CNOT6L: variants seen among roughly 807,000 people sequenced by gnomAD.
CNOT6L encodes the protein CCR4-NOT transcription complex subunit 6-like.
In CNOT6L, 7 loss-of-function variants were observed where a neutral mutation model predicts 64.0. The observed-to-expected ratio is 0.11, with a 90% CI of 0.06 to 0.21. The LOEUF is 0.21. Ranked by LOEUF, CNOT6L falls within the 10% of genes least tolerant of loss-of-function variation. The probability of loss-of-function intolerance (pLI) is 1.00; values close to 1 mark genes in which losing one functional copy is unlikely to be tolerated. For missense variants in CNOT6L, 245 were observed against 669.0 expected (o/e 0.37, Z 6.99); for synonymous variants, 193 against 243.4 (o/e 0.79, Z 1.93).
At chr4:77,755,513 C>T (rs753753977) in intron 5 of CNOT6L, among the ~76,000 whole-genome samples, 1 of 151,808 alleles carries the variant, frequency 6.6e-6, no homozygotes, top group Non-Finnish European at 1.5e-5. Context: ...CATGCCCGGC[C>T]GAGATATTTA....
chr4:77,808,530 T>C (rs1413242102), intron 1 of CNOT6L, among the ~76,000 whole-genome samples: 3 of 150,428 alleles, frequency 2.0e-5, no homozygotes, highest in Non-Finnish European at 4.4e-5. Flanking sequence ...TAGCCCACAG[T>C]AGGTAACCAG....
intron 11 of CNOT6L, among the ~76,000 whole-genome samples, chr4:77,722,671 G>C (rs1721413843): frequency 6.6e-6 from 1 of 152,182 alleles, no homozygotes; most frequent in South Asian, 2.1e-4. Flanking sequence ...TTAATTGAAT[G>C]CATCACTTGT....
At chr4:77,732,684 A>T (rs1391991420) in intron 8 of CNOT6L, among the ~76,000 whole-genome samples, 2 of 152,092 alleles carry the variant, frequency 1.3e-5, no homozygotes, top group Non-Finnish European at 2.9e-5. Context: ...TAAAGAGGTA[A>T]TCTATAAGCT....
At chr4:77,770,344 A>C (rs576707676) in intron 4 of CNOT6L, among the ~76,000 whole-genome samples, 1 of 152,326 alleles carries the variant, frequency 6.6e-6, no homozygotes, top group Admixed American at 6.5e-5. Flanking sequence ...CAAATGTTCC[A>C]TTCCATTTTT....
At chr4:77,757,039 C>A in intron 4 of CNOT6L, 88 bp from the exon 5 acceptor site, 1 of 573,202 alleles carries the variant, frequency 1.7e-6, no homozygotes, top group East Asian at 3.0e-5. Flanking sequence ...ATACTAATTT[C>A]TTAAATTCAA....
At chr4:77,809,016 C>T (rs752244234) in intron 1 of CNOT6L, among the ~76,000 whole-genome samples, 2 of 152,110 alleles carry the variant, frequency 1.3e-5, no homozygotes, top group East Asian at 3.8e-4. Flanking sequence ...TGGTTTTTTA[C>T]TACAGATGTG....
intron 1 of CNOT6L, among the ~76,000 whole-genome samples, chr4:77,796,560 C>T (rs1156378704): frequency 1.3e-5 from 2 of 152,156 alleles, no homozygotes; most frequent in African/African-American, 2.4e-5. Context: ...CCCAGTCATG[C>T]TTCTTGCCTG....
chr4:77,817,372 T>C (rs1327432329), intron 1 of CNOT6L, among the ~76,000 whole-genome samples: 1 of 152,236 alleles, frequency 6.6e-6, no homozygotes, highest in Non-Finnish European at 1.5e-5. Context: ...TTGTCTTTTT[T>C]ACGTTATAGT....
At chr4:77,724,119 T>C (rs1311286964) in intron 11 of CNOT6L, among the ~76,000 whole-genome samples, 1 of 149,444 alleles carries the variant, frequency 6.7e-6, no homozygotes, top group African/African-American at 2.5e-5. Context: ...CCCTCAAATA[T>C]ACAAAAATTA....
chr4:77,766,740 GAA>G (rs111326264), intron 4 of CNOT6L, among the ~76,000 whole-genome samples: 1 of 136,952 alleles, frequency 7.3e-6, no homozygotes. Context: ...CAAGAAAAGA[GAA>G]AAAAAAAAAG....
In CNOT6L at chr4:77,764,901, G is replaced by C. The variant is rs140090087; in HGVS notation, c.401-7950C>G. 5.5e-3 allele frequency among the ~76,000 whole-genome samples: 836 copies of C among 152,284 alleles called. 5 individuals carry two copies. Among genetic ancestry groups the C allele is most frequent in the Middle Eastern group, 0.014 (4 of 294 alleles). On this transcript the variant is annotated intron_variant, in intron 4 of 11. Coordinates refer to ENST00000504123, the MANE Select transcript of CNOT6L (RefSeq NM_144571.3). ...AAAGGTTCTCTTATAAAAGGGAGCAGAGAAATGTCAGAGTTCTCTGAACCA... is the reference window on the plus strand; with the variant it reads ...AAAGGTTCTCTTATAAAAGGGAGCACAGAAATGTCAGAGTTCTCTGAACCA...
At chr4:77,818,577 G>A (rs191059277) in intron 1 of CNOT6L, among the ~76,000 whole-genome samples, 1 of 152,354 alleles carries the variant, frequency 6.6e-6, no homozygotes, top group East Asian at 1.9e-4. Context: ...TCCCAAGACT[G>A]ACTGTTCTGA....
At chr4:77,799,170 G>A (rs536959269) in intron 1 of CNOT6L, among the ~76,000 whole-genome samples, 2 of 152,116 alleles carry the variant, frequency 1.3e-5, no homozygotes, top group African/African-American at 2.4e-5. Context: ...GCTCATGACT[G>A]TAATCCCAAC....
rs1241870062 is a variant in CNOT6L at position 77,717,669 on chromosome 4, C to T, written c.*2762G>A. Reference sequence around the variant, plus strand: ...AAGTTCCAAATGGCATGCGGTTTAACAAGACAATGCTGAGGAAAGCAGCAT... The same window carrying T: ...AAGTTCCAAATGGCATGCGGTTTAATAAGACAATGCTGAGGAAAGCAGCAT... On this transcript the variant is annotated 3_prime_UTR_variant, in exon 12 of 12. Coordinates refer to ENST00000504123, the MANE Select transcript of CNOT6L (RefSeq NM_144571.3). 6.6e-6 allele frequency: 1 copy of T among 152,460 alleles called. No individual in the cohort carries two copies. Among genetic ancestry groups the T allele is most frequent in the African/African-American group, 2.4e-5 (1 of 41,386 alleles). 9.4% of individuals were successfully genotyped at this position (152,460 alleles called of 1,614,324 possible).
chr4:77,727,491 G>C (rs191473487), intron 10 of CNOT6L, among the ~76,000 whole-genome samples: 2 of 141,076 alleles, frequency 1.4e-5, no homozygotes, highest in Admixed American at 1.5e-4. Context: ...GCTTGAACCC[G>C]GGAGGCAGAG....
At chr4:77,819,055 C>CACACACACACACAG in intron 1 of CNOT6L, 2 of 673,542 alleles carry the variant, frequency 3.0e-6, no homozygotes, top group Non-Finnish European at 5.3e-6. Context: ...CCCCGACACA[C>CACACACACACACAG]ACACACACAC....
chr4:77,723,491 C>T (rs1560571003), intron 11 of CNOT6L, among the ~76,000 whole-genome samples: 1 of 152,102 alleles, frequency 6.6e-6, no homozygotes, highest in Admixed American at 6.6e-5. Flanking sequence ...GCTTTCAATA[C>T]TGGGATAGCA....
chr4:77,782,641 CT>C (rs3048223), intron 1 of CNOT6L, among the ~76,000 whole-genome samples: 8,403 of 141,110 alleles, frequency 0.06, 346 homozygotes, highest in African/African-American at 0.12. Context: ...AGTGCCTAGC[CT>C]TTTTTTTTTT....
At position 77,716,151 on chromosome 4, in the gene CNOT6L, T is replaced by A. The variant is rs1049685604; in HGVS notation, c.*4280A>T. The A allele has an allele frequency of 6.6e-6, 1 of 151,738 alleles. No homozygotes were observed. Among genetic ancestry groups the A allele is most frequent in the Non-Finnish European group, 1.5e-5 (1 of 67,904 alleles). The allele number at this position is 151,738 out of a possible 1,614,324, so 9.4% of individuals were successfully genotyped here. ...AGGGTAGGGCAGGTGGGAAAAAGAATATCTCATCAATGTGAGAATTCACAT... is the reference window on the plus strand; with the variant it reads ...AGGGTAGGGCAGGTGGGAAAAAGAAAATCTCATCAATGTGAGAATTCACAT... On this transcript the variant is annotated 3_prime_UTR_variant, in exon 12 of 12. Coordinates refer to ENST00000504123, the MANE Select transcript of CNOT6L (RefSeq NM_144571.3).
Sources: gnomAD v4.1 joint callset for allele counts (sites outside exome capture counted in the v4.1 genomes callset) on GRCh38, gnomAD v4.1.1 for gene constraint, MANE v1.5 for transcripts, NCBI Gene and HGNC (gene_info 2026-07-23, HGNC 2026-07-21) for gene names.